CPA6: variants seen among roughly 807,000 people sequenced by gnomAD.
CPA6 encodes the protein carboxypeptidase B.
In CPA6, 58 loss-of-function variants were observed where a neutral mutation model predicts 63.3. The ratio of observed to expected loss-of-function variants is 0.92; its 90% CI spans 0.74 to 1.14. The LOEUF is 1.14. Among genes scored for constraint, CPA6 ranks in the 50% most tolerant of loss-of-function variants. The probability of loss-of-function intolerance (pLI) is 0.00; values close to 1 mark genes in which losing one functional copy is unlikely to be tolerated. For missense variants in CPA6, 565 were observed against 526.6 expected (o/e 1.07, Z -0.71); for synonymous variants, 185 against 179.0 (o/e 1.03, Z -0.27).
intron 2 of CPA6, among the ~76,000 whole-genome samples, chr8:67,603,864 A>C (rs959677370): frequency 5.9e-5 from 9 of 152,208 alleles, no homozygotes; most frequent in Admixed American, 5.2e-4. Context: ...ACTCTCTTTC[A>C]TAGGTCTCTA....
intron 8 of CPA6, among the ~76,000 whole-genome samples, chr8:67,467,881 C>G (rs1810963188): frequency 1.5e-5 from 2 of 135,500 alleles, no homozygotes; most frequent in Non-Finnish European, 3.0e-5. Flanking sequence ...GAGCGAAACC[C>G]CGTCTAAAAA....
chr8:67,648,846 T>A (rs1006853727), intron 1 of CPA6, among the ~76,000 whole-genome samples: 11 of 152,170 alleles, frequency 7.2e-5, no homozygotes, highest in Admixed American at 6.6e-5. Context: ...ACTGTTAGAA[T>A]AGAACTGGGG....
intron 8 of CPA6, among the ~76,000 whole-genome samples, chr8:67,440,432 G>A (rs900221019): frequency 5.3e-5 from 8 of 151,980 alleles, no homozygotes; most frequent in Non-Finnish European, 7.4e-5. Context: ...TTGGCAGGGC[G>A]TGGTGACACA....
At chr8:67,487,932 T>C (rs1250151054) in intron 6 of CPA6, among the ~76,000 whole-genome samples, 1 of 152,230 alleles carries the variant, frequency 6.6e-6, no homozygotes, top group Non-Finnish European at 1.5e-5. Context: ...CTGTTTAAGT[T>C]CTTTGTAGAT....
At chr8:67,579,722 A>G (rs1179510156) in intron 2 of CPA6, among the ~76,000 whole-genome samples, 1 of 152,246 alleles carries the variant, frequency 6.6e-6, no homozygotes. Context: ...CAAGCTAAGA[A>G]TGGTTTCTGC....
At chr8:67,678,576 C>T (rs1051903828) in intron 1 of CPA6, among the ~76,000 whole-genome samples, 10 of 152,282 alleles carry the variant, frequency 6.6e-5, no homozygotes, top group South Asian at 2.1e-4. Flanking sequence ...CAATGCAACA[C>T]CATCATGTAT....
intron 2 of CPA6, among the ~76,000 whole-genome samples, chr8:67,594,238 T>C (rs1183728822): frequency 2.0e-5 from 3 of 152,222 alleles, no homozygotes; most frequent in Non-Finnish European, 4.4e-5. Context: ...TTGTAGAGTT[T>C]CTGCCGAGAG....
intron 2 of CPA6, among the ~76,000 whole-genome samples, chr8:67,518,463 G>A (rs1280618431): frequency 6.6e-6 from 1 of 151,274 alleles, no homozygotes; most frequent in African/African-American, 2.4e-5. Context: ...ATTTCAAATG[G>A]AACATTCTCT....
intron 2 of CPA6, among the ~76,000 whole-genome samples, chr8:67,574,382 A>G (rs1306056242): frequency 6.6e-6 from 1 of 151,740 alleles, no homozygotes; most frequent in Non-Finnish European, 1.5e-5. Flanking sequence ...GTCTCAAAAA[A>G]AAAAAAAAAA....
At chr8:67,727,086 T>G (rs1817610413) in intron 1 of CPA6, among the ~76,000 whole-genome samples, 3 of 152,140 alleles carry the variant, frequency 2.0e-5, no homozygotes, top group Non-Finnish European at 4.4e-5. Context: ...ACTTTTAATC[T>G]GATTATAAAA....
chr8:67,688,914 CTAGTA>C (rs1331236055), intron 1 of CPA6, among the ~76,000 whole-genome samples: 1 of 152,000 alleles, frequency 6.6e-6, no homozygotes, highest in Admixed American at 6.6e-5. Flanking sequence ...CTCCCATAGA[CTAGTA>C]TAGTTTTCTC....
chr8:67,435,575 C>T (rs1366704573), intron 8 of CPA6, among the ~76,000 whole-genome samples: 2 of 151,750 alleles, frequency 1.3e-5, no homozygotes, highest in South Asian at 2.1e-4. Context: ...TTAGGAGTGC[C>T]GAGGGTGGGG....
rs67842734 is a variant in CPA6, at chr8:67,713,099, G to GTATATATA, written c.116+32907_116+32914dup. On this transcript the variant is annotated intron_variant, in intron 1 of 10. Transcript: ENST00000297770. ...TGTGTGTGTATGTGTGTGTGTGTGT[G>GTATATATA]TATATATATATATATATATATATAT... is the stretch of plus-strand genomic sequence containing the variant. 6.4e-3 allele frequency among the ~76,000 whole-genome samples: 352 copies of GTATATATA among 54,970 alleles called. 10 individuals are homozygous for GTATATATA. The highest frequency in any genetic ancestry group is 0.01 in the South Asian group (11 of 1,068). 36.1% of individuals were successfully genotyped at this position (54,970 alleles called of 152,430 possible). A position where few individuals can be genotyped will look rare whatever the true frequency, so the allele number is the denominator to read the frequency against.
chr8:67,541,561 C>G (rs1812706419), intron 2 of CPA6, among the ~76,000 whole-genome samples: 1 of 152,146 alleles, frequency 6.6e-6, no homozygotes, highest in African/African-American at 2.4e-5. Context: ...TTGTGGACCC[C>G]CTTAGAGTTG....
chr8:67,702,874 A>T (rs932685650), intron 1 of CPA6, among the ~76,000 whole-genome samples: 2 of 152,136 alleles, frequency 1.3e-5, no homozygotes, highest in Non-Finnish European at 2.9e-5. Context: ...AGTGCACTTG[A>T]ATCTCCCAAG....
chr8:67,505,383 A>G (rs991960998), intron 6 of CPA6, among the ~76,000 whole-genome samples: 1 of 152,212 alleles, frequency 6.6e-6, no homozygotes, highest in Non-Finnish European at 1.5e-5. Context: ...TAGATGTTGT[A>G]AAGAAAAGAT....
intron 2 of CPA6, among the ~76,000 whole-genome samples, chr8:67,519,045 A>G (rs1587515421): frequency 1.3e-5 from 2 of 152,188 alleles, no homozygotes; most frequent in East Asian, 1.9e-4. Context: ...GTTACCACCC[A>G]TCCTGGAACA....
intron 1 of CPA6, among the ~76,000 whole-genome samples, chr8:67,724,911 C>T (rs1817569113): frequency 6.6e-6 from 1 of 152,176 alleles, no homozygotes; most frequent in Non-Finnish European, 1.5e-5. Flanking sequence ...AGACTCATCC[C>T]CCAATTTTTG....
At chr8:67,689,967 T>C (rs1172039930) in intron 1 of CPA6, among the ~76,000 whole-genome samples, 1 of 152,212 alleles carries the variant, frequency 6.6e-6, no homozygotes, top group Non-Finnish European at 1.5e-5. Flanking sequence ...TAATGGCCAT[T>C]CTGACTGATG....
Sources: gnomAD v4.1 joint callset for allele counts (sites outside exome capture counted in the v4.1 genomes callset) on GRCh38, gnomAD v4.1.1 for gene constraint, MANE v1.5 for transcripts, NCBI Gene and HGNC (gene_info 2026-07-23, HGNC 2026-07-21) for gene names.